The following GRIP1 variants were observed in gnomAD, a reference collection of about 807,000 sequenced individuals.
GRIP1 encodes glutamate receptor-interacting protein 1.
Under a neutral mutation model 129.9 loss-of-function variants are expected in GRIP1, and 45 were observed. That is an observed-to-expected ratio of 0.35 (90% CI 0.27 to 0.44). GRIP1 has a LOEUF of 0.44. GRIP1 is among the 20% of genes least tolerant of loss of function. The pLI, the probability that GRIP1 is intolerant of heterozygous loss-of-function variation, is 1.00. For missense variants in GRIP1, 1,196 were observed against 1,396.8 expected (o/e 0.86, Z 2.29); for synonymous variants, 530 against 520.8 (o/e 1.02, Z -0.24).
chr12:66,500,955 TA>T (rs2060376147), intron 7 of GRIP1, among the ~76,000 whole-genome samples: 1 of 152,228 alleles, frequency 6.6e-6, no homozygotes, highest in African/African-American at 2.4e-5. Context: ...TCTTTAATCT[TA>T]AAAGTAAACC....
intron 23 of GRIP1, among the ~76,000 whole-genome samples, chr12:66,363,948 G>A (rs933369935): frequency 3.3e-5 from 5 of 151,986 alleles, no homozygotes; most frequent in South Asian, 2.1e-4. Flanking sequence ...TTTCAAAATC[G>A]CTAAAAGAGA....
At chr12:66,844,495 T>C (rs1005416820) in intron 1 of GRIP1, among the ~76,000 whole-genome samples, 2 of 152,176 alleles carry the variant, frequency 1.3e-5, no homozygotes, top group Non-Finnish European at 2.9e-5. Context: ...AATTGGAACC[T>C]TTATGGATTG....
chr12:66,843,333 T>C (rs1592896236), intron 1 of GRIP1, among the ~76,000 whole-genome samples: 1 of 152,076 alleles, frequency 6.6e-6, no homozygotes. Flanking sequence ...TATTCATGAA[T>C]TGAATATGAG....
At chr12:66,391,630 T>C (rs2056591385) in intron 19 of GRIP1, among the ~76,000 whole-genome samples, 2 of 152,190 alleles carry the variant, frequency 1.3e-5, no homozygotes, top group Non-Finnish European at 2.9e-5. Flanking sequence ...GATGGGAGGA[T>C]TGCTGGAGGC....
chr12:66,350,269 G>C (rs2054163111), intron 24 of GRIP1, among the ~76,000 whole-genome samples: 1 of 152,076 alleles, frequency 6.6e-6, no homozygotes, highest in Non-Finnish European at 1.5e-5. Context: ...AGGCTGAGGT[G>C]GGTGGATCCC....
Position 66,377,215 on chromosome 12 carries a change from A to G in GRIP1, c.2692T>C (p.Leu898=), listed in dbSNP as rs1217877912. The change falls in exon 21 of 25, where the codon TTG becomes CTG. Residue 898 remains leucine (L), a synonymous_variant. Coordinates refer to ENST00000359742, the MANE Select transcript of GRIP1 (RefSeq NM_001366722.1). ...ATTCCTGACTGTCCGCAGGTTTCCA[A>G]ATCCTCCAGCGCTTGAGACCAGAAG... is the stretch of plus-strand genomic sequence containing the variant. ...ENFWSQALED[L]ETCGQSGILR... 6.2e-7 allele frequency: 1 copy of G among 1,613,816 alleles called. No individual in the cohort carries two copies. Among genetic ancestry groups the G allele is most frequent in the Admixed American group, 1.7e-5 (1 of 60,008 alleles).
chr12:66,351,947 G>T (rs969841720), intron 24 of GRIP1, among the ~76,000 whole-genome samples: 1 of 152,176 alleles, frequency 6.6e-6, no homozygotes, highest in Non-Finnish European at 1.5e-5. Context: ...GTTGAGAATC[G>T]CTGATCTATG....
At chr12:67,004,342 C>T (rs1165979786) in intron 1 of GRIP1, among the ~76,000 whole-genome samples, 1 of 152,102 alleles carries the variant, frequency 6.6e-6, no homozygotes, top group Non-Finnish European at 1.5e-5. Flanking sequence ...ACCGGACAGG[C>T]CCCAGTTGTA....
intron 7 of GRIP1, among the ~76,000 whole-genome samples, chr12:66,512,662 A>G (rs1430491119): frequency 6.6e-6 from 1 of 151,860 alleles, no homozygotes. Flanking sequence ...TGAATAAAGG[A>G]CATAAATGAC....
At chr12:66,994,474 A>G (rs1286709380) in intron 1 of GRIP1, among the ~76,000 whole-genome samples, 1 of 152,004 alleles carries the variant, frequency 6.6e-6, no homozygotes, top group Non-Finnish European at 1.5e-5. Context: ...AACCAGGAAT[A>G]GAGAAGAATT....
intron 18 of GRIP1, 73 bp downstream of exon 18, chr12:66,392,604 G>T: frequency 6.3e-7 from 1 of 1,581,110 alleles, no homozygotes; most frequent in Non-Finnish European, 8.7e-7. Flanking sequence ...ATTACACACA[G>T]ACACTAGCAC....
chr12:66,543,946 C>G (rs1483696964), intron 2 of GRIP1, among the ~76,000 whole-genome samples: 1 of 152,066 alleles, frequency 6.6e-6, no homozygotes, highest in Admixed American at 6.6e-5. Flanking sequence ...AAGTAAGTTT[C>G]TATTCATAAA....
chr12:66,648,357 G>A (rs2032533558), intron 1 of GRIP1, among the ~76,000 whole-genome samples: 1 of 152,202 alleles, frequency 6.6e-6, no homozygotes, highest in African/African-American at 2.4e-5. Context: ...TTCTGCATAT[G>A]TATCATGATT....
At chr12:66,969,791 G>A (rs1466721433) in intron 1 of GRIP1, among the ~76,000 whole-genome samples, 1 of 151,948 alleles carries the variant, frequency 6.6e-6, no homozygotes, top group Middle Eastern at 3.2e-3. Flanking sequence ...AGATTACTGA[G>A]ACTTTTAAAA....
At chr12:66,608,629 G>A (rs1232714301) in intron 1 of GRIP1, among the ~76,000 whole-genome samples, 1 of 152,184 alleles carries the variant, frequency 6.6e-6, no homozygotes, top group Admixed American at 6.5e-5. Flanking sequence ...ACCATGCCCA[G>A]CCCAGACATA....
At chr12:66,895,022 C>A (rs1237939976) in intron 1 of GRIP1, among the ~76,000 whole-genome samples, 2 of 152,166 alleles carry the variant, frequency 1.3e-5, no homozygotes, top group African/African-American at 4.8e-5. Context: ...CTGTGCTCCA[C>A]CTGGAACCCC....
At chr12:66,809,752 C>G (rs141088503) in intron 1 of GRIP1, among the ~76,000 whole-genome samples, 172 of 151,772 alleles carry the variant, frequency 1.1e-3, no homozygotes, top group Middle Eastern at 6.8e-3. Context: ...CTCCACCTCT[C>G]AGGGTCAAGC....
At chr12:66,956,001 T>C (rs1470170888) in intron 1 of GRIP1, among the ~76,000 whole-genome samples, 2 of 152,226 alleles carry the variant, frequency 1.3e-5, no homozygotes, top group African/African-American at 2.4e-5. Flanking sequence ...AAGAGTTAGT[T>C]GTGCAGATAA....
chr12:66,827,415 A>AGAGAGAGAGC (rs1375461122), intron 1 of GRIP1, among the ~76,000 whole-genome samples: 1 of 150,270 alleles, frequency 6.7e-6, no homozygotes, highest in Non-Finnish European at 1.5e-5. Context: ...AGAGAGAGAG[A>AGAGAGAGAGC]GCGCACAAGA....
Sources: allele counts gnomAD v4.1 joint callset (sites outside exome capture counted in the v4.1 genomes callset), GRCh38; gene constraint gnomAD v4.1.1; transcripts MANE v1.5; gene names NCBI Gene and HGNC (gene_info 2026-07-23, HGNC 2026-07-21).